The following ALG13 variants were observed in gnomAD, a reference collection of about 807,000 sequenced individuals.
ALG13 encodes the protein ALG13 UDP-N-acetylglucosaminyltransferase subunit.
A neutral mutation model predicts 87.8 loss-of-function variants in ALG13; 11 were observed. The observed-to-expected ratio is 0.13, with a 90% CI of 0.08 to 0.21. The LOEUF (loss-of-function observed/expected upper bound fraction) is 0.21. ALG13 is among the 10% of genes least tolerant of loss of function. ALG13 has a pLI of 1.00. For missense variants in ALG13, 756 were observed against 866.1 expected (o/e 0.87, Z 1.60); for synonymous variants, 320 against 306.3 (o/e 1.04, Z -0.47).
chrX:111,713,847 A>G (rs898542028), intron 8 of ALG13, among the ~76,000 whole-genome samples: 3 of 112,283 alleles, frequency 2.7e-5, no homozygotes, highest in Non-Finnish European at 5.6e-5. Flanking sequence ...CTGGTAAAGT[A>G]CTTGATTGTT....
At chrX:111,749,070 G>A (rs1293832920) in intron 24 of ALG13, among the ~76,000 whole-genome samples, 1 of 111,232 alleles carries the variant, frequency 9.0e-6, no homozygotes, top group Non-Finnish European at 1.9e-5. Context: ...GGGTGACAGA[G>A]CGAAACTCTG....
chrX:111,751,745 G>A (rs957514492), intron 24 of ALG13, among the ~76,000 whole-genome samples: 7 of 111,381 alleles, frequency 6.3e-5, no homozygotes, highest in African/African-American at 2.3e-4. Context: ...GGCAATAAAT[G>A]TATTTGTATG....
intron 23 of ALG13, among the ~76,000 whole-genome samples, chrX:111,740,218 T>G (rs1943623522): frequency 2.7e-5 from 3 of 111,290 alleles, no homozygotes; most frequent in Non-Finnish European, 5.6e-5. Flanking sequence ...CATCAGATTC[T>G]TTAGTTTAGA....
intron 14 of ALG13, among the ~76,000 whole-genome samples, 179 bp from the exon 15 acceptor site, chrX:111,724,755 C>A (rs1324932908): frequency 8.9e-6 from 1 of 112,252 alleles, no homozygotes; most frequent in Admixed American, 9.4e-5. Context: ...CTAGAAACAG[C>A]AGTGAAATTG....
chrX:111,727,036 C>G lies in ALG13; in HGVS notation c.1957C>G (p.Arg653Gly), dbSNP rs757484102. Residue 653 changes from arginine to glycine, a missense_variant, in exon 16 of 27, where the codon CGG becomes GGG. Arg to Gly is a moderately radical substitution (Grantham distance 125). Around this residue, in one of 9 missense-constraint regions of ALG13, gnomAD observed 362 missense variants for 383.5 expected, o/e 0.94. Transcript: ENST00000394780. ...TCAGCATCCATCTCCGAGACAAGGT[C>G]GGGGATATGGGATGCCCAGGTAAGA... ...HPQHPSPRQG[R>G]GYGMPRNSSR... 8.3e-7 allele frequency: 1 copy of G among 1,209,013 alleles called. No individual in the cohort carries two copies.
rs1380956380 is a variant in ALG13, at chrX:111,681,224, G to A, written c.6G>A (p.Lys2=). 3.3e-6 allele frequency: 4 copies of A among 1,211,964 alleles called. No individual in the cohort carries two copies. In the Admixed American group the frequency reaches 6.5e-5, roughly 20 times the overall value. The change falls in exon 1 of 27, where the codon AAG becomes AAA. Residue 2 remains lysine (K), a synonymous_variant. Transcript: ENST00000394780. ...GGGCTTGAGGAACCCGCGCCATGAA[G>A]TGCGTGTTTGTTACCGTAGGGACCA... The part of the protein sequence containing the change: M[K]CVFVTVGTTS...
At chrX:111,752,515 A>G (rs1262352873) in intron 24 of ALG13, among the ~76,000 whole-genome samples, 1 of 110,181 alleles carries the variant, frequency 9.1e-6, no homozygotes, top group Non-Finnish European at 1.9e-5. Flanking sequence ...TCCCAGATTC[A>G]AGTGATTCTC....
At chrX:111,720,472 A>G (rs183759816) in intron 11 of ALG13, among the ~76,000 whole-genome samples, 5 of 112,012 alleles carry the variant, frequency 4.5e-5, no homozygotes, top group African/African-American at 1.6e-4. Flanking sequence ...CAGTCTTCTG[A>G]CGCTAAGGTT....
intron 3 of ALG13, among the ~76,000 whole-genome samples, chrX:111,699,274 A>G (rs1937421230): frequency 9.2e-6 from 1 of 108,647 alleles, no homozygotes; most frequent in African/African-American, 3.4e-5. Context: ...ATTTCCTTAC[A>G]TATTTGGATA....
intron 10 of ALG13, 61 bp from the exon 11 acceptor site, chrX:111,720,034 G>T: frequency 1.2e-6 from 1 of 841,993 alleles, no homozygotes; most frequent in African/African-American, 2.1e-5. Flanking sequence ...TAGTCATTAG[G>T]CTTAACATAA....
intron 5 of ALG13, among the ~76,000 whole-genome samples, chrX:111,709,921 A>G (rs1211310818): frequency 1.8e-5 from 2 of 111,701 alleles, no homozygotes; most frequent in Non-Finnish European, 3.8e-5. Flanking sequence ...GCAAGGCCAT[A>G]GTGTAAAGCA....
intron 23 of ALG13, among the ~76,000 whole-genome samples, chrX:111,742,921 G>A (rs1237050621): frequency 8.9e-6 from 1 of 112,469 alleles, no homozygotes; most frequent in African/African-American, 3.2e-5. Context: ...CCCTTGAAGT[G>A]TATCTGTTAA....
At chrX:111,736,377 G>T (rs760366496) in intron 22 of ALG13, among the ~76,000 whole-genome samples, 10 of 111,646 alleles carry the variant, frequency 9.0e-5, no homozygotes, top group Non-Finnish European at 1.9e-4. Flanking sequence ...GGAATAATAT[G>T]CAGGAAGCCC....
chrX:111,700,751 A>ATTT (rs772630509), intron 3 of ALG13, among the ~76,000 whole-genome samples: 26 of 50,696 alleles, frequency 5.1e-4, no homozygotes, highest in African/African-American at 1.6e-3. Context: ...TAATTTTTGT[A>ATTT]TTTTTTTTTT....
intron 3 of ALG13, among the ~76,000 whole-genome samples, chrX:111,695,092 T>G (rs2147851570): frequency 8.9e-6 from 1 of 111,990 alleles, no homozygotes; most frequent in South Asian, 3.7e-4. Context: ...CTAATTGGGG[T>G]TATAGTTAGA....
At chrX:111,691,869 T>C (rs915706309) in intron 3 of ALG13, among the ~76,000 whole-genome samples, 2 of 112,786 alleles carry the variant, frequency 1.8e-5, no homozygotes, top group Non-Finnish European at 3.7e-5. Flanking sequence ...GTTTACCTGA[T>C]TGCAAGTTAT....
At position 111,696,980 on chromosome X, in the gene ALG13, AC is replaced by A. The variant is rs1295654603; in HGVS notation, c.384-11045del. On this transcript the variant is annotated intron_variant, in intron 3 of 26. Transcript: ENST00000394780. ...TTTCAGTGAAATTGCTCTGGTTCTT[AC>A]CTTTTTTTTTTTTTTTTTTTTTGGA... Among the ~76,000 whole-genome samples the A allele has an allele frequency of 4.5e-4, 35 of 78,634 alleles. No individual in the cohort carries two copies. In the East Asian group the frequency reaches 0.011, roughly 24 times the overall value. The allele number at this position is 78,634 out of a possible 115,157, so 68.3% of individuals were successfully genotyped here.
intron 3 of ALG13, among the ~76,000 whole-genome samples, chrX:111,694,110 C>T (rs1467130264): frequency 1.8e-5 from 2 of 110,056 alleles, no homozygotes; most frequent in Non-Finnish European, 3.8e-5. Flanking sequence ...GTGGCGCGGT[C>T]TCTGCTCACT....
chrX:111,702,349 T>A (rs1301875837), intron 3 of ALG13, among the ~76,000 whole-genome samples: 1 of 111,950 alleles, frequency 8.9e-6, no homozygotes, highest in Non-Finnish European at 1.9e-5. Flanking sequence ...TTATCAGTTC[T>A]GTGAGATTCA....
Sources: allele counts gnomAD v4.1 joint callset (sites outside exome capture counted in the v4.1 genomes callset), GRCh38; gene constraint gnomAD v4.1.1; regional missense constraint gnomAD v4.1.1; transcripts MANE v1.5; gene names NCBI Gene and HGNC (gene_info 2026-07-23, HGNC 2026-07-21).